The following MRPL13 variants were observed in gnomAD, a reference collection of about 807,000 sequenced individuals.
MRPL13 encodes mitochondrial ribosomal protein L13, also known as large ribosomal subunit protein uL13m.
Under a neutral mutation model 29.0 loss-of-function variants are expected in MRPL13, and 33 were observed. The observed-to-expected ratio is 1.14, with a 90% CI of 0.86 to 1.52. The LOEUF is 1.52. Among genes scored for constraint, MRPL13 ranks in the 40% most tolerant of loss-of-function variants. The pLI is 0.00. For missense variants in MRPL13, 227 were observed against 216.7 expected, an observed-to-expected ratio of 1.05 and a Z score of -0.30; for synonymous variants, 77 against 68.4, an observed-to-expected ratio of 1.13 and a Z score of -0.62.
chr8:120,396,035 T>C lies in MRPL13; in HGVS notation c.*69A>G. 1 of 1,320,006 alleles carries C rather than the reference T, an allele frequency of 7.6e-7. No individual in the cohort carries two copies. The highest frequency in any genetic ancestry group is 2.0e-5 in the Admixed American group (1 of 49,432). The allele number at this position is 1,320,006 out of a possible 1,614,324, so 81.8% of individuals were successfully genotyped here. A position where few individuals can be genotyped will look rare whatever the true frequency, so the allele number is the denominator to read the frequency against. On this transcript the variant is annotated 3_prime_UTR_variant, in exon 7 of 7. Transcript: ENST00000306185. ...GTAGCAGTTGTTTTACTCCATCCTG[T>C]AGGTTAGAGAAACTCATCAGAAGAA... is the stretch of plus-strand genomic sequence containing the variant.
chr8:120,397,686 A>T (rs1268583712), intron 6 of MRPL13, among the ~76,000 whole-genome samples: 1 of 151,774 alleles, frequency 6.6e-6, no homozygotes, highest in East Asian at 1.9e-4. Context: ...CAACAACTCT[A>T]GCCAGGGTTA....
intron 3 of MRPL13, among the ~76,000 whole-genome samples, chr8:120,431,738 G>C (rs1394423189): frequency 2.6e-5 from 4 of 152,020 alleles, no homozygotes; most frequent in Non-Finnish European, 4.4e-5. Flanking sequence ...GCAGTAAGAT[G>C]AATTACAGGA....
At position 120,425,133 on chromosome 8, in the gene MRPL13, CAT is replaced by C. The variant is rs1341175717; in HGVS notation, c.306+171_306+172del. On this transcript the variant is annotated intron_variant, in intron 4 of 6. Transcript: ENST00000306185. The stretch of plus-strand genomic sequence containing the variant: ...CATAATACATAGCAATTAGAAAATA[CAT>C]AGAGTTGAATATTAAAAATAATACT... Among the ~76,000 whole-genome samples the C allele has an allele frequency of 3.9e-4, 60 of 152,168 alleles. 1 individual carries two copies. The highest frequency in any genetic ancestry group is 3.4e-3 in the Middle Eastern group (1 of 294).
chr8:120,397,210 TAC>T (rs1202007769), intron 6 of MRPL13, among the ~76,000 whole-genome samples: 2 of 106,616 alleles, frequency 1.9e-5, no homozygotes, highest in East Asian at 5.6e-4. Context: ...TTGGGTCCAA[TAC>T]ACAGAGCTGT....
At chr8:120,404,013 T>C (rs2130452441) in intron 6 of MRPL13, among the ~76,000 whole-genome samples, 1 of 152,284 alleles carries the variant, frequency 6.6e-6, no homozygotes, top group Non-Finnish European at 1.5e-5. Context: ...TATCCAAACA[T>C]AAAAACTGCA....
intron 6 of MRPL13, among the ~76,000 whole-genome samples, chr8:120,406,780 A>G (rs2130455156): frequency 6.6e-6 from 1 of 152,310 alleles, no homozygotes; most frequent in East Asian, 1.9e-4. Flanking sequence ...AATAGCTAAC[A>G]TAAAACTTTC....
Position 120,413,997 on chromosome 8 carries a change from C to A in MRPL13, c.509G>T (p.Trp170Leu). ...GAAGAAGGGAAACACTTACGGAGTC[C>A]ACAATCTTGGGAAGGCGTCTATTTC... ...QEEIDAFPRLWTPPEDYRL is the reference protein window; with the variant it reads ...QEEIDAFPRLLTPPEDYRL Residue 170 changes from tryptophan (W) to leucine (L), a missense_variant, in exon 6 of 7, where the codon TGG becomes TTG. Physicochemically the swap from Trp to Leu is moderately conservative, Grantham distance 61. Coordinates refer to ENST00000306185, the MANE Select transcript of MRPL13 (RefSeq NM_014078.6). 1 of 1,550,700 alleles carries A rather than the reference C, an allele frequency of 6.4e-7. No individual in the cohort carries two copies. Among genetic ancestry groups the A allele is most frequent in the South Asian group, 1.3e-5 (1 of 77,458 alleles).
At chr8:120,415,139 C>G (rs1238140816) in intron 5 of MRPL13, 1 of 152,104 alleles carries the variant, frequency 6.6e-6, no homozygotes, top group Non-Finnish European at 1.5e-5. Context: ...TTATATTGTA[C>G]TCATGATGCA....
In MRPL13 at chr8:120,445,122, C is replaced by G; in HGVS notation, c.-28G>C. On this transcript the variant is annotated 5_prime_UTR_variant, in exon 1 of 7. Coordinates refer to ENST00000306185, the MANE Select transcript of MRPL13 (RefSeq NM_014078.6). ...TCCTCTACTAGCAGGACCGTACGTC[C>G]TTCTCCTAGTAGCCACGCCGGGTCA... 1 of 1,613,918 alleles carries G rather than the reference C, an allele frequency of 6.2e-7. No individual in the cohort carries two copies. Among genetic ancestry groups the G allele is most frequent in the Non-Finnish European group, 8.5e-7 (1 of 1,179,916 alleles).
At chr8:120,413,929 A>C in intron 6 of MRPL13, 62 bp downstream of exon 6, 2 of 1,423,822 alleles carry the variant, frequency 1.4e-6, no homozygotes, top group Non-Finnish European at 1.8e-6. Flanking sequence ...TTATTTAATC[A>C]TATGGTTGAG....
At chr8:120,397,197 G>A (rs1472530053) in intron 6 of MRPL13, among the ~76,000 whole-genome samples, 1 of 143,664 alleles carries the variant, frequency 7.0e-6, no homozygotes, top group Non-Finnish European at 1.5e-5. Context: ...CACCACCAGG[G>A]CCTTGGGTCC....
chr8:120,434,512 A>C (rs891490114), intron 2 of MRPL13, among the ~76,000 whole-genome samples: 25 of 152,114 alleles, frequency 1.6e-4, no homozygotes, highest in Non-Finnish European at 3.4e-4. Flanking sequence ...ACTCCAGTAA[A>C]ACTTCAAAGG....
chr8:120,418,048 C>A (rs1563773624), intron 5 of MRPL13, among the ~76,000 whole-genome samples: 1 of 152,122 alleles, frequency 6.6e-6, no homozygotes, highest in African/African-American at 2.4e-5. Flanking sequence ...GTAGTTGCAA[C>A]TTTCTCTTCC....
In MRPL13 at chr8:120,406,116, G is replaced by A. The variant is rs191599425; in HGVS notation, c.515+7875C>T. ...AAATAATCACAGGAAATCTTTAGAG[G>A]GATATTTCAAATGCCATTTCTGAAA... On this transcript the variant is annotated intron_variant, in intron 6 of 6. Coordinates refer to ENST00000306185, the MANE Select transcript of MRPL13 (RefSeq NM_014078.6). Among the ~76,000 whole-genome samples the A allele has an allele frequency of 3.9e-5, 6 of 151,954 alleles. No homozygotes were observed. In the East Asian group the frequency reaches 1.2e-3, roughly 29 times the overall value.
intron 3 of MRPL13, among the ~76,000 whole-genome samples, chr8:120,430,040 T>C (rs1156378382): frequency 6.6e-6 from 1 of 152,142 alleles, no homozygotes; most frequent in African/African-American, 2.4e-5. Flanking sequence ...GGCAGGCAGA[T>C]CACCTGATGT....
chr8:120,429,771 CA>C (rs1304982503), intron 3 of MRPL13, among the ~76,000 whole-genome samples: 1 of 152,136 alleles, frequency 6.6e-6, no homozygotes, highest in Non-Finnish European at 1.5e-5. Context: ...CAGGGATGTT[CA>C]TATCCCTGAT....
intron 6 of MRPL13, among the ~76,000 whole-genome samples, chr8:120,412,998 T>C (rs894611879): frequency 2.0e-5 from 3 of 152,248 alleles, no homozygotes; most frequent in East Asian, 3.8e-4. Context: ...TTAATACATG[T>C]AAAGCACACA....
chr8:120,398,819 T>C (rs1812551865), intron 6 of MRPL13, among the ~76,000 whole-genome samples: 1 of 152,080 alleles, frequency 6.6e-6, no homozygotes, highest in Non-Finnish European at 1.5e-5. Context: ...ACTGACCTGA[T>C]GGAGCTGAAA....
At chr8:120,443,354 AT>A in intron 1 of MRPL13, 46 bp from the exon 2 acceptor site, 1 of 1,427,918 alleles carries the variant, frequency 7.0e-7, no homozygotes, top group Non-Finnish European at 9.3e-7. Context: ...AATAAAGATA[AT>A]TATCATTAAA....
Sources: allele counts gnomAD v4.1 joint callset (sites outside exome capture counted in the v4.1 genomes callset), GRCh38; gene constraint gnomAD v4.1.1; transcripts MANE v1.5; gene names NCBI Gene and HGNC (gene_info 2026-07-23, HGNC 2026-07-21).